PPARA: variants seen among roughly 807,000 people sequenced by gnomAD.
PPARA encodes the protein peroxisome proliferator-activated receptor alpha.
In PPARA, 22 loss-of-function variants were observed where a neutral mutation model predicts 42.2. That is an observed-to-expected ratio of 0.52 (90% CI 0.37 to 0.74). The LOEUF is 0.74. Ranked by LOEUF, PPARA falls within the 30% of genes least tolerant of loss-of-function variation. The probability of loss-of-function intolerance (pLI) is 0.00; values close to 1 mark genes in which losing one functional copy is unlikely to be tolerated. For missense variants in PPARA, 465 were observed against 608.2 expected, an observed-to-expected ratio of 0.76 and a Z score of 2.48; for synonymous variants, 242 against 239.3, an observed-to-expected ratio of 1.01 and a Z score of -0.10.
chr22:46,220,317 C>T (rs1934897858), intron 7 of PPARA: 1 of 397,802 alleles, frequency 2.5e-6, no homozygotes, highest in South Asian at 2.2e-5. Flanking sequence ...TTCTTAGGAG[C>T]ATTTTTTCTT....
intron 2 of PPARA, among the ~76,000 whole-genome samples, chr22:46,154,285 T>C (rs1924918106): frequency 6.6e-6 from 1 of 152,212 alleles, no homozygotes; most frequent in Non-Finnish European, 1.5e-5. Flanking sequence ...CAGTGTTCTT[T>C]TTCTTGCATG....
rs1190746826 is a variant in PPARA, at chr22:46,156,625, A to C, written c.-127+4655A>C. On this transcript the variant is annotated intron_variant, in intron 2 of 8. Transcript: ENST00000407236. The surrounding 1 kb of genome is among the most constrained non-coding windows in gnomAD (Gnocchi z 5.2). Reference sequence around the variant, plus strand: ...ATGTGTTTGTTTTTGTTTTTGAGACAGAGTCTCACTCTGTCACCCAGGCTG... The same window carrying C: ...ATGTGTTTGTTTTTGTTTTTGAGACCGAGTCTCACTCTGTCACCCAGGCTG... 1 of 152,214 alleles carries C rather than the reference A, an allele frequency of 6.6e-6. No homozygotes were observed. The highest frequency in any genetic ancestry group is 1.5e-5 in the Non-Finnish European group (1 of 68,040). 9.4% of individuals were successfully genotyped at this position (152,214 alleles called of 1,614,324 possible). A position where few individuals can be genotyped will look rare whatever the true frequency, so the allele number is the denominator to read the frequency against.
At position 46,204,930 on chromosome 22, in the gene PPARA, C is replaced by A. The variant is rs1230945485; in HGVS notation, c.208+6339C>A. ...TTGCCCAGGCTAGAGTGCAGTGGTGCGATCATGGCTTACTGCAGCCTTGAC... is the reference window on the plus strand; with the variant it reads ...TTGCCCAGGCTAGAGTGCAGTGGTGAGATCATGGCTTACTGCAGCCTTGAC... On this transcript the variant is annotated intron_variant, in intron 4 of 8. Coordinates refer to ENST00000407236, the MANE Select transcript of PPARA (RefSeq NM_005036.6). The surrounding 1 kb of genome is among the most constrained non-coding windows in gnomAD (Gnocchi z 5.2). Among the ~76,000 whole-genome samples the A allele has an allele frequency of 6.6e-6, 1 of 151,902 alleles. No individual in the cohort carries two copies. The highest frequency in any genetic ancestry group is 6.6e-5 in the Admixed American group (1 of 15,246).
In PPARA at chr22:46,235,295, C is replaced by T. The variant is rs182181094; in HGVS notation, c.1322C>T (p.Ala441Val). ...ADLRQLVTEH[A>V]QLVQIIKKTE... ...CTCCGGCAGCTGGTGACGGAGCATG[C>T]GCAGCTGGTGCAGATCATCAAGAAG... Residue 441 changes from alanine (A) to valine (V), a missense_variant, in exon 9 of 9, where the codon GCG becomes GTG. Coordinates refer to ENST00000407236, the MANE Select transcript of PPARA (RefSeq NM_005036.6). This position sits in a 1 kb window ranked among gnomAD's most constrained non-coding sequence, Gnocchi z 7.0. 7 of 1,614,052 alleles carry T rather than the reference C, an allele frequency of 4.3e-6. No individual in the cohort carries two copies. In the South Asian group the frequency reaches 6.6e-5, roughly 15 times the overall value.
At position 46,200,340 on chromosome 22, in the gene PPARA, A is replaced by C. The variant is rs189888073; in HGVS notation, c.208+1749A>C. Among the ~76,000 whole-genome samples the C allele has an allele frequency of 6.6e-5, 10 of 152,392 alleles. No individual in the cohort carries two copies. In the East Asian group the frequency reaches 1.9e-3, roughly 29 times the overall value. On this transcript the variant is annotated intron_variant, in intron 4 of 8. Coordinates refer to ENST00000407236, the MANE Select transcript of PPARA (RefSeq NM_005036.6). The surrounding 1 kb of genome is among the most constrained non-coding windows in gnomAD (Gnocchi z 4.8). ...AAAGTCATAGAGTACACTTAAACCC[A>C]GATGGTAGAGCCTGCTGCACACCGA...
At chr22:46,202,197 T>C (rs1932872616) in intron 4 of PPARA, among the ~76,000 whole-genome samples, 2 of 152,174 alleles carry the variant, frequency 1.3e-5, no homozygotes, top group African/African-American at 4.8e-5. Flanking sequence ...CCTTATTCTG[T>C]GCTCTCTCCT....
At chr22:46,176,087 C>A (rs4253658) in intron 2 of PPARA, 4,768 of 152,132 alleles carry the variant, frequency 0.031, 129 homozygotes, top group Middle Eastern at 0.071. Flanking sequence ...TGCAAGGAGC[C>A]GAAATTGTGC....
intron 4 of PPARA, among the ~76,000 whole-genome samples, chr22:46,213,320 G>A (rs1457312932): frequency 6.6e-6 from 1 of 151,582 alleles, no homozygotes; most frequent in Non-Finnish European, 1.5e-5. Context: ...GCTGAGCATT[G>A]TTTCATATGC....
chr22:46,213,501 G>A (rs557427000), intron 4 of PPARA, among the ~76,000 whole-genome samples: 7 of 151,020 alleles, frequency 4.6e-5, no homozygotes, highest in African/African-American at 1.2e-4. Context: ...TTTGCCTCCC[G>A]GGTCCAAGCG....
At chr22:46,154,987 TTAAAAAAAAAAAA>T (rs1249715790) in intron 2 of PPARA, 48 of 67,662 alleles carry the variant, frequency 7.1e-4, no homozygotes, top group Admixed American at 6.8e-3. Flanking sequence ...TGGTCTTTCT[TTAAAAAAAAAAAA>T]AAAAAAAAAA....
At position 46,174,068 on chromosome 22, in the gene PPARA, C is replaced by G. The variant is rs189843272; in HGVS notation, c.-126-2685C>G. On this transcript the variant is annotated intron_variant, in intron 2 of 8. Coordinates refer to ENST00000407236, the MANE Select transcript of PPARA (RefSeq NM_005036.6). ...TGGTGCACGTCTGTAGTCCCAGCTA[C>G]TCGGGAGGCTGAGGCAGGAGAATTG... Among the ~76,000 whole-genome samples the G allele has an allele frequency of 2.5e-4, 38 of 150,862 alleles. 1 individual carries two copies. In the East Asian group the frequency reaches 6.6e-3, roughly 26 times the overall value.
chr22:46,191,996 C>T lies in PPARA; in HGVS notation c.-42-6346C>T, dbSNP rs572867170. Among the ~76,000 whole-genome samples the T allele has an allele frequency of 5.3e-5, 8 of 152,198 alleles. No homozygotes were observed. In the East Asian group the frequency reaches 5.8e-4, roughly 11 times the overall value. On this transcript the variant is annotated intron_variant, in intron 3 of 8. Transcript: ENST00000407236. This position sits in a 1 kb window ranked among gnomAD's most constrained non-coding sequence, Gnocchi z 4.6. ...AGGAGAATCACTTGAACCCGTGAAA[C>T]GGAAGTTGCGGTGAGCCGAGATCAC...
intron 2 of PPARA, among the ~76,000 whole-genome samples, chr22:46,166,087 A>G (rs1313125816): frequency 1.3e-5 from 2 of 152,302 alleles, no homozygotes; most frequent in Non-Finnish European, 2.9e-5. Flanking sequence ...CCCATGGTAT[A>G]TACACTGTGA....
At chr22:46,202,813 A>G (rs112958931) in intron 4 of PPARA, among the ~76,000 whole-genome samples, 7 of 150,798 alleles carry the variant, frequency 4.6e-5, no homozygotes, top group African/African-American at 1.7e-4. Flanking sequence ...CAGTGAGCCA[A>G]GATCACACCA....
At chr22:46,208,914 G>C (rs1240354644) in intron 4 of PPARA, among the ~76,000 whole-genome samples, 1 of 148,230 alleles carries the variant, frequency 6.7e-6, no homozygotes, top group Admixed American at 6.6e-5. Flanking sequence ...GTGTGTGTGT[G>C]TGCGTGTGTG....
At chr22:46,217,115 C>T (rs781037845) in intron 5 of PPARA, among the ~76,000 whole-genome samples, 6 of 152,118 alleles carry the variant, frequency 3.9e-5, no homozygotes, top group Non-Finnish European at 5.9e-5. Context: ...TGTCTAGAAG[C>T]CTGTCTCCCC....
Position 46,188,245 on chromosome 22 carries a change from A to C in PPARA, c.-42-10097A>C, listed in dbSNP as rs1425201384. 6.6e-6 allele frequency among the ~76,000 whole-genome samples: 1 copy of C among 152,248 alleles called. No individual in the cohort carries two copies. On this transcript the variant is annotated intron_variant, in intron 3 of 8. Coordinates refer to ENST00000407236, the MANE Select transcript of PPARA (RefSeq NM_005036.6). The surrounding 1 kb of genome is among the most constrained non-coding windows in gnomAD (Gnocchi z 5.0). ...GCCATTAAGTTTCAGAGTTTGTTACACGGTAACATGTAACTGATACAACTC... is the reference window on the plus strand; with the variant it reads ...GCCATTAAGTTTCAGAGTTTGTTACCCGGTAACATGTAACTGATACAACTC...
chr22:46,163,447 C>T lies in PPARA; in HGVS notation c.-127+11477C>T, dbSNP rs1295358955. The T allele has an allele frequency of 6.6e-6, 1 of 152,210 alleles. No homozygotes were observed. The highest frequency in any genetic ancestry group is 2.4e-5 in the African/African-American group (1 of 41,456). The allele number at this position is 152,210 out of a possible 1,614,324, so 9.4% of individuals were successfully genotyped here. A position where few individuals can be genotyped will look rare whatever the true frequency, so the allele number is the denominator to read the frequency against. The stretch of plus-strand genomic sequence containing the variant: ...GTTGTGGCTTCAGCCTTTGCTCCGT[C>T]ACTGATAGTTCTAGCCTGAAAAGCA... On this transcript the variant is annotated intron_variant, in intron 2 of 8. Coordinates refer to ENST00000407236, the MANE Select transcript of PPARA (RefSeq NM_005036.6). The surrounding 1 kb of genome is among the most constrained non-coding windows in gnomAD (Gnocchi z 4.9).
intron 4 of PPARA, among the ~76,000 whole-genome samples, chr22:46,198,906 G>A (rs1013712382): frequency 3.3e-5 from 5 of 152,056 alleles, no homozygotes; most frequent in African/African-American, 4.8e-5. Context: ...TGATCTGCCC[G>A]CCTCGGCCTC....
Sources: gnomAD v4.1 joint callset for allele counts (sites outside exome capture counted in the v4.1 genomes callset) on GRCh38, gnomAD v4.1.1 for gene constraint, Gnocchi (gnomAD v3.1) non-coding constraint, MANE v1.5 for transcripts, NCBI Gene and HGNC (gene_info 2026-07-23, HGNC 2026-07-21) for gene names.